DNAH12: variants seen among roughly 807,000 people sequenced by gnomAD.
DNAH12 encodes dynein axonemal heavy chain 12, also known as axonemal beta dynein heavy chain 12.
DNAH12 carries 285 observed loss-of-function variants against 371.5 expected under a neutral mutation model. The observed-to-expected ratio is 0.77, with a 90% CI of 0.70 to 0.85. The LOEUF (loss-of-function observed/expected upper bound fraction) is 0.85. DNAH12 is among the 40% of genes least tolerant of loss of function. DNAH12 has a pLI of 0.00. For missense variants in DNAH12, 3,611 were observed against 3,689.4 expected (o/e 0.98, Z 0.55); for synonymous variants, 1,200 against 1,213.0 (o/e 0.99, Z 0.22).
intron 13 of DNAH12, among the ~76,000 whole-genome samples, chr3:57,477,658 A>C (rs2066584268): frequency 6.6e-6 from 1 of 152,158 alleles, no homozygotes; most frequent in African/African-American, 2.4e-5. Flanking sequence ...GAGTAGCCTA[A>C]CTGGGAGGCA....
rs776184662 is a variant in DNAH12 at position 57,525,756 on chromosome 3, C to CTTTTTTTTTTT, written c.171-1883_171-1873dup. On this transcript the variant is annotated intron_variant, in intron 2 of 73. Coordinates refer to ENST00000495027, the MANE Select transcript of DNAH12 (RefSeq NM_001366028.2). The stretch of plus-strand genomic sequence containing the variant: ...ATGCTAGCAAATAGTATGTCTTATT[C>CTTTTTTTTTTT]TTTTTTTTTTTTTTTTTTTTTTTTG... Among the ~76,000 whole-genome samples the CTTTTTTTTTTT allele has an allele frequency of 3.4e-4, 26 of 76,274 alleles. 1 individual carries two copies. The highest frequency in any genetic ancestry group is 4.5e-4 in the Non-Finnish European group (20 of 44,730). 50.0% of individuals were successfully genotyped at this position (76,274 alleles called of 152,430 possible). A position where few individuals can be genotyped will look rare whatever the true frequency, so the allele number is the denominator to read the frequency against.
chr3:57,526,379 T>G (rs938996195), intron 2 of DNAH12, among the ~76,000 whole-genome samples: 4 of 152,170 alleles, frequency 2.6e-5, no homozygotes, highest in African/African-American at 9.7e-5. Flanking sequence ...ACCAATTTTC[T>G]TTATCCATTC....
intron 43 of DNAH12, among the ~76,000 whole-genome samples, chr3:57,400,424 T>C (rs2063833345): frequency 6.6e-6 from 1 of 152,178 alleles, no homozygotes; most frequent in Non-Finnish European, 1.5e-5. Context: ...AAAGAAGAAT[T>C]GTACAGCAAC....
chr3:57,517,118 A>G (rs534545415), intron 4 of DNAH12, among the ~76,000 whole-genome samples: 7 of 152,258 alleles, frequency 4.6e-5, no homozygotes, highest in African/African-American at 1.7e-4. Context: ...TCAGGTCTCC[A>G]TAAATGTCAC....
chr3:57,391,622 A>G (rs1449441372), intron 45 of DNAH12, among the ~76,000 whole-genome samples: 4 of 152,180 alleles, frequency 2.6e-5, no homozygotes, highest in African/African-American at 7.2e-5. Context: ...TACCCTTTGC[A>G]CATCAACATT....
intron 62 of DNAH12, among the ~76,000 whole-genome samples, chr3:57,326,228 G>A (rs910480091): frequency 2.6e-5 from 4 of 151,558 alleles, no homozygotes; most frequent in Non-Finnish European, 5.9e-5. Context: ...GATACTCCTC[G>A]AGAAGAGCAA....
At chr3:57,308,027 C>T (rs2107672234) in intron 69 of DNAH12, among the ~76,000 whole-genome samples, 1 of 152,294 alleles carries the variant, frequency 6.6e-6, no homozygotes, top group East Asian at 1.9e-4. Flanking sequence ...TACTACTCTT[C>T]AGGGATTATT....
Position 57,293,869 on chromosome 3 carries a change from A to G in DNAH12, c.11795T>C (p.Phe3932Ser), listed in dbSNP as rs1278578245. Reference sequence around the variant, plus strand: ...TGTTTTTAACAACATTGCAATGACAAAGTTAGTAGAATGTCCCGTAGTGGA... The same window carrying G: ...TGTTTTTAACAACATTGCAATGACAGAGTTAGTAGAATGTCCCGTAGTGGA... ...TLSTTGHSTN[F>S]VIAMLLKTDQ... The change falls in exon 74 of 74, where the codon TTT becomes TCT. Residue 3932 changes from phenylalanine to serine, a missense_variant. By Grantham distance (155) the Phe-to-Ser change is radical (BLOSUM62 -2). Around this residue, in one of 3 missense-constraint regions of DNAH12, gnomAD observed 2,266 missense variants for 2,236.9 expected, o/e 1.01. Coordinates refer to ENST00000495027, the MANE Select transcript of DNAH12 (RefSeq NM_001366028.2). 1 of 1,550,666 alleles carries G rather than the reference A, an allele frequency of 6.4e-7. No homozygotes were observed. The highest frequency in any genetic ancestry group is 8.7e-7 in the Non-Finnish European group (1 of 1,146,494).
At chr3:57,435,362 ACT>A (rs1276472066) in intron 30 of DNAH12, among the ~76,000 whole-genome samples, 2 of 111,498 alleles carry the variant, frequency 1.8e-5, no homozygotes, top group Non-Finnish European at 3.5e-5. Flanking sequence ...ATAGACCAAG[ACT>A]CTGTCTCCCA....
At chr3:57,503,114 G>T (rs1448959653) in intron 9 of DNAH12, among the ~76,000 whole-genome samples, 1 of 152,182 alleles carries the variant, frequency 6.6e-6, no homozygotes, top group African/African-American at 2.4e-5. Flanking sequence ...TGGGCCAGGT[G>T]CAGTAGCACA....
chr3:57,514,899 T>A (rs2068135443), intron 4 of DNAH12, among the ~76,000 whole-genome samples: 1 of 152,178 alleles, frequency 6.6e-6, no homozygotes, highest in Non-Finnish European at 1.5e-5. Flanking sequence ...TATAGGTGAA[T>A]ATTAAACTAT....
intron 43 of DNAH12, chr3:57,402,550 GAATA>G: frequency 1.3e-6 from 1 of 751,788 alleles, no homozygotes; most frequent in Non-Finnish European, 1.9e-6. Flanking sequence ...CTCTGAACTG[GAATA>G]AATATATAGT....
At chr3:57,469,058 C>T (rs2066288589) in intron 16 of DNAH12, 79 bp from the exon 17 acceptor site, 2 of 1,370,900 alleles carry the variant, frequency 1.5e-6, no homozygotes, top group East Asian at 2.7e-5. Flanking sequence ...AGGCTAGACC[C>T]CTTGTTTTTT....
At chr3:57,421,450 C>T in intron 36 of DNAH12, 68 bp downstream of exon 36, 1 of 1,486,492 alleles carries the variant, frequency 6.7e-7, no homozygotes, top group Non-Finnish European at 9.1e-7. Context: ...GATGAAAACC[C>T]AGGAGCTTTG....
rs756946685 is a variant in DNAH12, at chr3:57,310,825, G to A, written c.10788C>T (p.Asp3596=). ...TTTCAACTATGTACAGATTATAAAAGTCAGCCAGCATGGTTAATAGAAGAC... is the reference window on the plus strand; with the variant it reads ...TTTCAACTATGTACAGATTATAAAAATCAGCCAGCATGGTTAATAGAAGAC... ...DRRLLLTMLA[D]FYNLYIVENP... The change falls in exon 67 of 74, where the codon GAC becomes GAT. Residue 3596 remains aspartate, a synonymous_variant. Coordinates refer to ENST00000495027, the MANE Select transcript of DNAH12 (RefSeq NM_001366028.2). 20 of 1,551,586 alleles carry A rather than the reference G, an allele frequency of 1.3e-5. No homozygotes were observed. Among genetic ancestry groups the A allele is most frequent in the Non-Finnish European group, 1.7e-5 (20 of 1,146,944 alleles).
intron 45 of DNAH12, among the ~76,000 whole-genome samples, chr3:57,391,067 T>C (rs1475047707): frequency 6.6e-6 from 1 of 152,148 alleles, no homozygotes; most frequent in African/African-American, 2.4e-5. Context: ...CCAAGTACTA[T>C]TCTCTAATAA....
intron 69 of DNAH12, among the ~76,000 whole-genome samples, chr3:57,308,248 T>C (rs1014320784): frequency 2.6e-5 from 4 of 152,258 alleles, no homozygotes; most frequent in African/African-American, 7.2e-5. Context: ...ATAATTCCTC[T>C]CTCTGGCCTT....
chr3:57,394,079 T>C (rs1326026063), intron 44 of DNAH12, 92 bp downstream of exon 44: 1 of 152,236 alleles, frequency 6.6e-6, no homozygotes, highest in Admixed American at 6.5e-5. Context: ...CAAACTCATA[T>C]GTACAAACTA....
intron 57 of DNAH12, among the ~76,000 whole-genome samples, chr3:57,364,824 C>T (rs2063011723): frequency 6.6e-6 from 1 of 152,192 alleles, no homozygotes; most frequent in African/African-American, 2.4e-5. Flanking sequence ...GGACACTTCT[C>T]AAAAGAAGAT....
Sources: gnomAD v4.1 joint callset for allele counts (sites outside exome capture counted in the v4.1 genomes callset) on GRCh38, gnomAD v4.1.1 for gene constraint, gnomAD v4.1.1 regional missense constraint, MANE v1.5 for transcripts, NCBI Gene and HGNC (gene_info 2026-07-23, HGNC 2026-07-21) for gene names.